LRIG2: variants seen among roughly 807,000 people sequenced by gnomAD.
The protein encoded by LRIG2 is leucine rich repeats and immunoglobulin like domains 2.
LRIG2 carries 93 observed loss-of-function variants against 107.8 expected under a neutral mutation model. That is an observed-to-expected ratio of 0.86 (90% CI 0.73 to 1.03). The LOEUF is 1.03. Among genes scored for constraint, LRIG2 ranks in the 50% least tolerant of loss-of-function variants. LRIG2 has a pLI of 0.00. For synonymous variants in LRIG2, 471 were observed against 470.6 expected (o/e 1.00, Z -0.01); for missense variants, 1,226 against 1,296.0 (o/e 0.95, Z 0.83).
intron 6 of LRIG2, 139 bp from the exon 7 acceptor site, chr1:113,095,734 AT>A: frequency 1.3e-6 from 1 of 747,150 alleles, no homozygotes; most frequent in South Asian, 1.8e-5. Flanking sequence ...TAAGATATTC[AT>A]TTTTATTGAA....
At position 113,114,581 on chromosome 1, in the gene LRIG2, T is replaced by C. The variant is rs1321722735; in HGVS notation, c.2235T>C (p.Ala745=). Residue 745 remains alanine, a synonymous_variant, in exon 15 of 18, where the codon GCT becomes GCC. Coordinates refer to ENST00000361127, the MANE Select transcript of LRIG2 (RefSeq NM_014813.3). The part of the protein sequence containing the change: ...PLLVTERHFF[A]AANQLLIIVD... Reference sequence around the variant, plus strand: ...TGGTGACAGAACGACATTTCTTTGCTGCAGCCAATCAGCTTCTCATCATTG... The same window carrying C: ...TGGTGACAGAACGACATTTCTTTGCCGCAGCCAATCAGCTTCTCATCATTG... 1 of 1,614,136 alleles carries C rather than the reference T, an allele frequency of 6.2e-7. No homozygotes were observed. Among genetic ancestry groups the C allele is most frequent in the Non-Finnish European group, 8.5e-7 (1 of 1,180,020 alleles).
intron 1 of LRIG2, among the ~76,000 whole-genome samples, chr1:113,076,067 A>G (rs973315277): frequency 2.0e-5 from 3 of 149,686 alleles, no homozygotes; most frequent in Non-Finnish European, 1.5e-5. Context: ...GTGCAGTGGC[A>G]CGATCTCGGC....
chr1:113,093,332 T>C, intron 3 of LRIG2, 52 bp downstream of exon 3: 1 of 1,548,088 alleles, frequency 6.5e-7, no homozygotes, highest in South Asian at 1.2e-5. Flanking sequence ...AAGTATACAT[T>C]TTTTTTTTAA....
chr1:113,124,637 CAA>C lies in LRIG2; in HGVS notation c.*538_*539del, dbSNP rs1330831522. 1 of 153,138 alleles carries C rather than the reference CAA, an allele frequency of 6.5e-6. No individual in the cohort carries two copies. Among genetic ancestry groups the C allele is most frequent in the Non-Finnish European group, 1.5e-5 (1 of 68,672 alleles). The allele number at this position is 153,138 out of a possible 1,614,324, so 9.5% of individuals were successfully genotyped here. On this transcript the variant is annotated 3_prime_UTR_variant, in exon 18 of 18. Coordinates refer to ENST00000361127, the MANE Select transcript of LRIG2 (RefSeq NM_014813.3). ...CAGGCTTGACCAACTGGTACCAGGT[CAA>C]AGATTTTTGTATTCTTGTGAATTTT...
In LRIG2 at chr1:113,112,614, C is replaced by A. The variant is rs759670618; in HGVS notation, c.1934C>A (p.Ala645Glu). The A allele has an allele frequency of 6.2e-7, 1 of 1,614,060 alleles. No individual in the cohort carries two copies. Among genetic ancestry groups the A allele is most frequent in the African/African-American group, 1.3e-5 (1 of 74,922 alleles). Residue 645 changes from alanine to glutamate, a missense_variant, in exon 14 of 18, where the codon GCG (alanine) becomes GAG (glutamate). Physicochemically the swap from Ala to Glu is moderately radical, Grantham distance 107. This residue lies in a region of LRIG2 where 642 missense variants were observed against 712.2 expected (regional missense o/e 0.90). Transcript: ENST00000361127. ...AAAGATGGTGGTACTGACTTTCCTG[C>A]GGCTCGAGAAAGACGCATGCACGTC... Reference protein sequence around the residue: ...WQKDGGTDFPAARERRMHVMP... With the variant: ...WQKDGGTDFPEARERRMHVMP...
chr1:113,106,144 C>A (rs1012538913), intron 11 of LRIG2, among the ~76,000 whole-genome samples: 6 of 152,036 alleles, frequency 3.9e-5, no homozygotes, highest in Non-Finnish European at 7.4e-5. Context: ...AGGAGAATCG[C>A]TTGAACCCGG....
At chr1:113,118,097 T>G (rs376970252) in intron 16 of LRIG2, among the ~76,000 whole-genome samples, 1 of 152,228 alleles carries the variant, frequency 6.6e-6, no homozygotes, top group African/African-American at 2.4e-5. Flanking sequence ...TTTTGTATTT[T>G]TAGTAGAGAT....
At chr1:113,110,173 T>C in intron 12 of LRIG2, 69 bp from the exon 13 acceptor site, 1 of 1,121,872 alleles carries the variant, frequency 8.9e-7, no homozygotes, top group South Asian at 1.5e-5. Context: ...TTTATAGTAT[T>C]TTTTAAAATT....
In LRIG2 at chr1:113,094,683, T is replaced by G. The variant is rs1653972274; in HGVS notation, c.731T>G (p.Leu244Trp). 3 of 1,614,014 alleles carry G rather than the reference T, an allele frequency of 1.9e-6. No individual in the cohort carries two copies. The highest frequency in any genetic ancestry group is 2.2e-5 in the South Asian group (2 of 91,080). ...TFQGLDSLRS[L>W]KMQRNGISKL... is the part of the protein sequence containing the mutation. ...CAAGGGCTTGACTCCTTAAGATCTT[T>G]GAAAATGCAGCGGAATGGAATTAGC... Residue 244 changes from leucine to tryptophan, a missense_variant, in exon 6 of 18, where the codon TTG becomes TGG. Physicochemically the swap from Leu to Trp is moderately conservative, Grantham distance 61 (BLOSUM62 -2). Around this residue, in one of 3 missense-constraint regions of LRIG2, gnomAD observed 570 missense variants for 550.2 expected, o/e 1.04. Transcript: ENST00000361127.
In LRIG2 at chr1:113,114,447, C is replaced by A. The variant is rs761666766; in HGVS notation, c.2101C>A (p.Pro701Thr). The change falls in exon 15 of 18, where the codon CCC becomes ACC. Residue 701 changes from proline (P) to threonine (T), a missense_variant. Physicochemically the swap from Pro to Thr is conservative, Grantham distance 38 (BLOSUM62 -1). Coordinates refer to ENST00000361127, the MANE Select transcript of LRIG2 (RefSeq NM_014813.3). ...TVLETPSFIR[P>T]LEDKTVTRGE... ...GTTAGAGACACCCTCATTTATTAGA[C>A]CCCTGGAGGATAAGACAGTAACACG... 3.1e-6 allele frequency: 5 copies of A among 1,607,538 alleles called. No individual in the cohort carries two copies. Among genetic ancestry groups the A allele is most frequent in the African/African-American group, 1.3e-5 (1 of 74,376 alleles).
In LRIG2 at chr1:113,128,881, A is replaced by G. The variant is rs1655589380; in HGVS notation, c.*4780A>G. The G allele has an allele frequency of 6.6e-6, 1 of 152,164 alleles. No individual in the cohort carries two copies. Among genetic ancestry groups the G allele is most frequent in the Non-Finnish European group, 1.5e-5 (1 of 68,034 alleles). The allele number at this position is 152,164 out of a possible 1,614,324, so 9.4% of individuals were successfully genotyped here. ...TAATGTATTCGAAGTTATCCCTATA[A>G]TTATATTACTCTCGCTCAAATTCTG... On this transcript the variant is annotated 3_prime_UTR_variant, in exon 18 of 18. Coordinates refer to ENST00000361127, the MANE Select transcript of LRIG2 (RefSeq NM_014813.3).
intron 1 of LRIG2, among the ~76,000 whole-genome samples, chr1:113,081,283 T>C (rs902653607): frequency 3.9e-5 from 6 of 152,186 alleles, no homozygotes; most frequent in Admixed American, 2.6e-4. Flanking sequence ...CCTTGCAGCA[T>C]CCATTAGATA....
At chr1:113,098,271 G>C (rs981338280) in intron 8 of LRIG2, among the ~76,000 whole-genome samples, 3 of 152,166 alleles carry the variant, frequency 2.0e-5, no homozygotes, top group Admixed American at 2.0e-4. Context: ...GCCATTGTAA[G>C]TTCAAGGTCC....
At chr1:113,106,297 A>C (rs566698211) in intron 11 of LRIG2, among the ~76,000 whole-genome samples, 1 of 152,344 alleles carries the variant, frequency 6.6e-6, no homozygotes, top group South Asian at 2.1e-4. Context: ...GCCAAACATT[A>C]AACTTGATAA....
chr1:113,076,958 A>G (rs1267260531), intron 1 of LRIG2, among the ~76,000 whole-genome samples: 1 of 152,142 alleles, frequency 6.6e-6, no homozygotes, highest in Admixed American at 6.6e-5. Context: ...TTATTTTGCA[A>G]AGTAACTTTG....
intron 1 of LRIG2, among the ~76,000 whole-genome samples, chr1:113,090,986 G>A (rs1653795639): frequency 6.6e-6 from 1 of 151,850 alleles, no homozygotes; most frequent in Non-Finnish European, 1.5e-5. Flanking sequence ...TGAGTAGCTG[G>A]GATTACAGGC....
At chr1:113,123,514 C>T (rs752807314) in intron 17 of LRIG2, among the ~76,000 whole-genome samples, 10 of 152,062 alleles carry the variant, frequency 6.6e-5, no homozygotes, top group African/African-American at 1.9e-4. Flanking sequence ...GCGGAGGTTG[C>T]GGTGAGCCGA....
intron 13 of LRIG2, 136 bp downstream of exon 13, chr1:113,110,698 A>G (rs972930709): frequency 2.8e-6 from 2 of 708,066 alleles, no homozygotes; most frequent in Non-Finnish European, 4.6e-6. Context: ...AGTTGTGATA[A>G]CTTATCAAGT....
intron 1 of LRIG2, among the ~76,000 whole-genome samples, chr1:113,080,670 G>A (rs1186462498): frequency 6.6e-6 from 1 of 151,992 alleles, no homozygotes; most frequent in Non-Finnish European, 1.5e-5. Context: ...GAGCCACTGT[G>A]CCCGGCCTGC....
Sources: gnomAD v4.1 joint callset for allele counts (sites outside exome capture counted in the v4.1 genomes callset) on GRCh38, gnomAD v4.1.1 for gene constraint, gnomAD v4.1.1 regional missense constraint, MANE v1.5 for transcripts, NCBI Gene and HGNC (gene_info 2026-07-23, HGNC 2026-07-21) for gene names.